The following HERC1 variants were observed in gnomAD, a reference collection of about 807,000 sequenced individuals.
The protein encoded by HERC1 is HECT and RLD domain containing E3 ubiquitin protein ligase family member 1, also known as probable E3 ubiquitin-protein ligase HERC1.
HERC1 carries 160 observed loss-of-function variants against 554.3 expected under a neutral mutation model. The observed-to-expected ratio is 0.29, with a 90% CI of 0.25 to 0.33. HERC1 has a LOEUF of 0.33. Ranked by LOEUF, HERC1 falls within the 10% of genes least tolerant of loss-of-function variation. The pLI is 1.00. For synonymous variants in HERC1, 2,175 were observed against 2,131.7 expected, an observed-to-expected ratio of 1.02 and a Z score of -0.56; for missense variants, 4,919 against 5,918.5, an observed-to-expected ratio of 0.83 and a Z score of 5.54.
In HERC1 at chr15:63,733,109, C is replaced by A; in HGVS notation, c.2683G>T (p.Asp895Tyr). ...QLDIILTSLQDHTHVASLLGY... is the reference protein window; with the variant it reads ...QLDIILTSLQYHTHVASLLGY... ...AGTAGGGAGGCTACGTGGGTATGATCTTGCAAACTTGTCAGGATGATATCC... is the reference window on the plus strand; with the variant it reads ...AGTAGGGAGGCTACGTGGGTATGATATTGCAAACTTGTCAGGATGATATCC... The change falls in exon 14 of 78, where the codon GAT becomes TAT. Residue 895 changes from aspartate (D) to tyrosine (Y), a missense_variant. By Grantham distance (160) the Asp-to-Tyr change is radical (BLOSUM62 -3). Around this residue, in one of 11 missense-constraint regions of HERC1, gnomAD observed 744 missense variants for 1,090.0 expected, o/e 0.68. Transcript: ENST00000443617. The A allele has an allele frequency of 1.2e-6, 2 of 1,613,736 alleles. No homozygotes were observed. The highest frequency in any genetic ancestry group is 8.5e-7 in the Non-Finnish European group (1 of 1,179,668).
intron 1 of HERC1, among the ~76,000 whole-genome samples, chr15:63,797,344 G>T (rs1304220911): frequency 1.3e-5 from 2 of 151,920 alleles, no homozygotes; most frequent in Admixed American, 1.3e-4. Flanking sequence ...TGTGGCCAAG[G>T]GTCACAATAT....
chr15:63,749,853 G>C lies in HERC1; in HGVS notation c.1903-62C>G. ...GAGATGATTAGATTGTTGGCTTTAG[G>C]GATAAATGAAATCTATGAAACTAAA... On this transcript the variant is annotated intron_variant, in intron 8 of 77. Transcript: ENST00000443617. This position sits in a 1 kb window ranked among gnomAD's most constrained non-coding sequence, Gnocchi z 4.1. The C allele has an allele frequency of 7.5e-7, 1 of 1,335,890 alleles. No homozygotes were observed. Among genetic ancestry groups the C allele is most frequent in the South Asian group, 1.6e-5 (1 of 61,722 alleles). 82.8% of individuals were successfully genotyped at this position (1,335,890 alleles called of 1,614,324 possible). A position where few individuals can be genotyped will look rare whatever the true frequency, so the allele number is the denominator to read the frequency against.
At chr15:63,678,912 G>A (rs1480165203) in intron 36 of HERC1, among the ~76,000 whole-genome samples, 2 of 152,172 alleles carry the variant, frequency 1.3e-5, no homozygotes, top group African/African-American at 4.8e-5. Flanking sequence ...TTTAAAACCT[G>A]ACACTAATAA....
Position 63,718,651 on chromosome 15 carries a change from A to G in HERC1, c.3901T>C (p.Tyr1301His). Residue 1301 changes from tyrosine (Y) to histidine (H), a missense_variant, in exon 21 of 78, where the codon TAC (tyrosine) becomes CAC (histidine). Physicochemically the swap from Tyr to His is moderately conservative, Grantham distance 83. Coordinates refer to ENST00000443617, the MANE Select transcript of HERC1 (RefSeq NM_003922.4). This position sits in a 1 kb window ranked among gnomAD's most constrained non-coding sequence, Gnocchi z 4.2. ...KHLSEVYRCVYKVRSRLLACK... is the reference protein window; with the variant it reads ...KHLSEVYRCVHKVRSRLLACK... The stretch of plus-strand genomic sequence containing the variant: ...GCAAGTAAACGACTTCGAACTTTGT[A>G]TACACAACGGTACACTTCTGATAAG... 1 of 1,599,230 alleles carries G rather than the reference A, an allele frequency of 6.3e-7. No homozygotes were observed. The highest frequency in any genetic ancestry group is 8.5e-7 in the Non-Finnish European group (1 of 1,171,380).
intron 31 of HERC1, among the ~76,000 whole-genome samples, chr15:63,691,343 G>A (rs915189754): frequency 6.6e-6 from 1 of 152,038 alleles, no homozygotes; most frequent in African/African-American, 2.4e-5. Context: ...GTGCACGCCT[G>A]TGATCCCAGC....
intron 18 of HERC1, among the ~76,000 whole-genome samples, chr15:63,723,679 C>T (rs192022485): frequency 2.0e-5 from 3 of 152,150 alleles, no homozygotes; most frequent in Admixed American, 6.5e-5. Context: ...ATGTCCTACA[C>T]GTGCAATGGT....
chr15:63,686,099 T>C (rs955420658), intron 34 of HERC1, among the ~76,000 whole-genome samples: 2 of 152,200 alleles, frequency 1.3e-5, no homozygotes, highest in Admixed American at 6.5e-5. Flanking sequence ...TCTGTGTGAC[T>C]CCTTATGGGA....
intron 76 of HERC1, 125 bp downstream of exon 76, chr15:63,615,643 C>T: frequency 1.7e-6 from 1 of 596,344 alleles, no homozygotes; most frequent in Non-Finnish European, 2.7e-6. Flanking sequence ...TAAATAAATT[C>T]ATACATACAT....
chr15:63,630,567 C>A lies in HERC1; in HGVS notation c.12865G>T (p.Ala4289Ser), dbSNP rs769190857. ...HNRPQQIPVL[A>S]GVIIEDVAVG... ...GCCACATCTTCTATGATTACTCCAG[C>A]CAGGACAGGGATTTGTTGCGGTCGA... is the stretch of plus-strand genomic sequence containing the variant. Residue 4289 changes from alanine (A) to serine (S), a missense_variant, in exon 69 of 78, where the codon GCT becomes TCT. Ala to Ser is a moderately conservative substitution (Grantham distance 99). Transcript: ENST00000443617. 1.2e-6 allele frequency: 2 copies of A among 1,613,934 alleles called. No homozygotes were observed. The highest frequency in any genetic ancestry group is 1.7e-6 in the Non-Finnish European group (2 of 1,179,912).
At chr15:63,731,449 A>C (rs1376229787) in intron 14 of HERC1, among the ~76,000 whole-genome samples, 3 of 152,216 alleles carry the variant, frequency 2.0e-5, no homozygotes, top group Non-Finnish European at 2.9e-5. Context: ...CTTAGCCCTA[A>C]TATTCCTTTC....
intron 33 of HERC1, among the ~76,000 whole-genome samples, chr15:63,688,632 G>A (rs1458541840): frequency 2.0e-5 from 3 of 152,110 alleles, no homozygotes; most frequent in African/African-American, 7.2e-5. Context: ...AATAGAAGAA[G>A]AAGAAGAACC....
At chr15:63,738,430 T>C (rs1186885618) in intron 12 of HERC1, among the ~76,000 whole-genome samples, 1 of 152,208 alleles carries the variant, frequency 6.6e-6, no homozygotes, top group Non-Finnish European at 1.5e-5. Flanking sequence ...CCAATACTAA[T>C]TTATTTGTTT....
Position 63,725,273 on chromosome 15 carries a change from CT to C in HERC1, c.3568+18del. 6.2e-7 allele frequency: 1 copy of C among 1,602,578 alleles called. No individual in the cohort carries two copies. The highest frequency in any genetic ancestry group is 8.5e-7 in the Non-Finnish European group (1 of 1,170,938). ...TACAAACAGGCATGTATTTTAAATGCTGCAGAGAAGCACATTACCCAATTGA... is the reference window on the plus strand; with the variant it reads ...TACAAACAGGCATGTATTTTAAATGCGCAGAGAAGCACATTACCCAATTGA... On this transcript the variant is annotated intron_variant, in intron 18 of 77. Transcript: ENST00000443617.
intron 1 of HERC1, among the ~76,000 whole-genome samples, chr15:63,790,201 C>T (rs954110778): frequency 2.6e-5 from 4 of 151,858 alleles, no homozygotes; most frequent in African/African-American, 4.8e-5. Context: ...ACTCAATAAA[C>T]GTAAGCTGCT....
At chr15:63,614,471 T>A (rs78277541) in intron 76 of HERC1, among the ~76,000 whole-genome samples, 5,010 of 152,236 alleles carry the variant, frequency 0.033, 264 homozygotes, top group African/African-American at 0.11. Flanking sequence ...CAAACACTAA[T>A]CCCTGGCTGT....
chr15:63,774,564 G>T, intron 2 of HERC1, 130 bp downstream of exon 2: 1 of 715,340 alleles, frequency 1.4e-6, no homozygotes, highest in Non-Finnish European at 2.3e-6. Context: ...CCAAGTATAT[G>T]AAATATTTAA....
intron 43 of HERC1, among the ~76,000 whole-genome samples, 151 bp from the exon 44 acceptor site, chr15:63,663,355 C>T (rs551180860): frequency 2.6e-5 from 4 of 152,290 alleles, no homozygotes; most frequent in South Asian, 4.1e-4. Flanking sequence ...ATACCTATCA[C>T]GTGTGTTTCC....
chr15:63,711,856 GC>G (rs770734045), intron 24 of HERC1, among the ~76,000 whole-genome samples: 5 of 152,100 alleles, frequency 3.3e-5, no homozygotes, highest in Non-Finnish European at 7.4e-5. Flanking sequence ...AGACACTAAA[GC>G]CCAGGGAGGT....
At chr15:63,700,263 G>A (rs2072644699) in intron 25 of HERC1, among the ~76,000 whole-genome samples, 2 of 151,732 alleles carry the variant, frequency 1.3e-5, no homozygotes, top group African/African-American at 4.8e-5. Context: ...GTGTAACCAT[G>A]GTTCATTTAT....
Sources: gnomAD v4.1 joint callset for allele counts (sites outside exome capture counted in the v4.1 genomes callset) on GRCh38, gnomAD v4.1.1 for gene constraint, gnomAD v4.1.1 regional missense constraint, Gnocchi (gnomAD v3.1) non-coding constraint, MANE v1.5 for transcripts, NCBI Gene and HGNC (gene_info 2026-07-23, HGNC 2026-07-21) for gene names.